FLT1: variants seen among roughly 807,000 people sequenced by gnomAD.
FLT1 encodes fms related receptor tyrosine kinase 1.
A neutral mutation model predicts 156.3 loss-of-function variants in FLT1; 49 were observed. That is an observed-to-expected ratio of 0.31 (90% CI 0.25 to 0.40). FLT1 has a LOEUF of 0.40. Among genes scored for constraint, FLT1 ranks in the 10% least tolerant of loss-of-function variants. The pLI is 1.00. For synonymous variants in FLT1, 594 were observed against 583.8 expected (o/e 1.02, Z -0.25); for missense variants, 1,322 against 1,637.2 (o/e 0.81, Z 3.32).
chr13:28,359,977 GGCGAATGCCTGTAATCCTAACTACTT>G lies in FLT1; in HGVS notation c.2117-2318_2117-2293del, dbSNP rs547434738. 5.1e-4 allele frequency among the ~76,000 whole-genome samples: 78 copies of G among 152,288 alleles called. No individual in the cohort carries two copies. In the East Asian group the frequency reaches 0.015, roughly 29 times the overall value. On this transcript the variant is annotated intron_variant, in intron 14 of 29. Transcript: ENST00000282397. The stretch of plus-strand genomic sequence containing the variant: ...AATACAAAAATTAGCGGGGTGTGGT[GGCGAATGCCTGTAATCCTAACTACTT>G]GGGAGGCTGCAGCAGGAGAATCACT...
intron 13 of FLT1, 99 bp from the exon 14 acceptor site, chr13:28,385,130 T>C: frequency 8.0e-7 from 1 of 1,249,802 alleles, no homozygotes; most frequent in Admixed American, 1.7e-5. Context: ...ACAGCAAAAC[T>C]CAACTATTAG....
intron 1 of FLT1, among the ~76,000 whole-genome samples, chr13:28,490,646 T>C (rs536599183): frequency 5.3e-5 from 8 of 152,280 alleles, no homozygotes; most frequent in Admixed American, 5.2e-4. Context: ...TACAAGCCTC[T>C]CCTATAAACG....
chr13:28,346,798 AAAT>A (rs1323973004), intron 15 of FLT1, among the ~76,000 whole-genome samples: 6 of 152,226 alleles, frequency 3.9e-5, no homozygotes, highest in African/African-American at 1.4e-4. Flanking sequence ...TTCTTTTTAG[AAAT>A]AATGATGTGG....
intron 14 of FLT1, among the ~76,000 whole-genome samples, chr13:28,376,121 G>A (rs1329520245): frequency 6.6e-6 from 1 of 152,116 alleles, no homozygotes; most frequent in East Asian, 1.9e-4. Flanking sequence ...TAATTCAGAG[G>A]TGATTCTGTC....
chr13:28,469,856 C>T (rs1022823416), intron 1 of FLT1, among the ~76,000 whole-genome samples: 4 of 152,084 alleles, frequency 2.6e-5, no homozygotes, highest in Non-Finnish European at 4.4e-5. Context: ...CAGGTTCAAG[C>T]GATTCTCGTG....
intron 14 of FLT1, among the ~76,000 whole-genome samples, chr13:28,372,044 GTGTGTATATATATATA>G (rs1399468623): frequency 4.5e-4 from 6 of 13,430 alleles, no homozygotes; most frequent in Admixed American, 1.1e-3. Flanking sequence ...GTGTGTGTGT[GTGTGTATATATATATA>G]TATATATATA....
At chr13:28,351,428 C>T (rs925858716) in intron 15 of FLT1, among the ~76,000 whole-genome samples, 3 of 152,160 alleles carry the variant, frequency 2.0e-5, no homozygotes, top group Non-Finnish European at 2.9e-5. Context: ...TCAAGATCCC[C>T]GAGCAACATA....
chr13:28,380,918 A>T (rs1268432517), intron 14 of FLT1, among the ~76,000 whole-genome samples: 3 of 152,072 alleles, frequency 2.0e-5, no homozygotes, highest in Non-Finnish European at 4.4e-5. Context: ...CCAATTTTAT[A>T]AATAGGGGAA....
At chr13:28,437,643 A>G (rs1566027277) in intron 4 of FLT1, among the ~76,000 whole-genome samples, 1 of 152,178 alleles carries the variant, frequency 6.6e-6, no homozygotes, top group African/African-American at 2.4e-5. Flanking sequence ...TTACCTTTCC[A>G]TATGTACAAT....
chr13:28,483,562 G>A (rs925023662), intron 1 of FLT1, among the ~76,000 whole-genome samples: 2 of 152,152 alleles, frequency 1.3e-5, no homozygotes, highest in Non-Finnish European at 2.9e-5. Flanking sequence ...TATTCTGGTT[G>A]AAAAAGTGTC....
At chr13:28,480,743 A>T (rs1880787645) in intron 1 of FLT1, among the ~76,000 whole-genome samples, 1 of 152,138 alleles carries the variant, frequency 6.6e-6, no homozygotes, top group Admixed American at 6.5e-5. Flanking sequence ...AAGCTCTATC[A>T]TCTTCTTTCA....
chr13:28,452,081 CTG>C (rs1034879931), intron 3 of FLT1, among the ~76,000 whole-genome samples: 1 of 152,202 alleles, frequency 6.6e-6, no homozygotes, highest in East Asian at 1.9e-4. Context: ...GCTAAAAGTG[CTG>C]TGTCTGCCAA....
At chr13:28,393,895 CTG>C (rs1874885421) in intron 12 of FLT1, among the ~76,000 whole-genome samples, 1 of 152,186 alleles carries the variant, frequency 6.6e-6, no homozygotes, top group East Asian at 1.9e-4. Context: ...CCCCAAGTAA[CTG>C]TATTTTAAAG....
At chr13:28,385,439 A>C (rs937706852) in intron 13 of FLT1, 21 of 767,148 alleles carry the variant, frequency 2.7e-5, no homozygotes, top group Non-Finnish European at 3.4e-5. Flanking sequence ...CTGTAGTGAT[A>C]GGCTAATATA....
intron 13 of FLT1, chr13:28,389,517 G>A: frequency 1.1e-5 from 16 of 1,415,620 alleles, no homozygotes; most frequent in South Asian, 5.0e-5. Context: ...GCACCAAGTC[G>A]GCCCCCCGGA....
intron 17 of FLT1, among the ~76,000 whole-genome samples, chr13:28,337,007 C>A (rs1446588647): frequency 6.6e-6 from 1 of 152,082 alleles, no homozygotes; most frequent in Non-Finnish European, 1.5e-5. Flanking sequence ...CTCAGCCTCC[C>A]AAAGCACTGA....
chr13:28,492,083 A>G (rs1250816089), intron 1 of FLT1, among the ~76,000 whole-genome samples: 1 of 152,240 alleles, frequency 6.6e-6, no homozygotes, highest in Admixed American at 6.5e-5. Flanking sequence ...AGACCAAAAA[A>G]AAGTGCAGCT....
intron 14 of FLT1, among the ~76,000 whole-genome samples, chr13:28,370,322 G>C (rs974038451): frequency 6.6e-6 from 1 of 152,146 alleles, no homozygotes; most frequent in Non-Finnish European, 1.5e-5. Flanking sequence ...GAGTTATGAT[G>C]GGGGGAGAGG....
chr13:28,303,312 CTG>C lies in FLT1; in HGVS notation c.3870_3871del (p.Ser1291PhefsTer22). On this transcript the variant is annotated frameshift_variant, in exon 30 of 30. Coordinates refer to ENST00000282397, the MANE Select transcript of FLT1 (RefSeq NM_002019.4). LOFTEE classifies it high-confidence loss of function. ...GTGCCCACAGCTGGAATGGCAGAAA[CTG>C]GGCCTGCTGACATCAGACAGCCCCG... The C allele has an allele frequency of 6.2e-7, 1 of 1,614,174 alleles. No individual in the cohort carries two copies. Among genetic ancestry groups the C allele is most frequent in the Non-Finnish European group, 8.5e-7 (1 of 1,180,044 alleles).
Sources: allele counts gnomAD v4.1 joint callset (sites outside exome capture counted in the v4.1 genomes callset), GRCh38; gene constraint gnomAD v4.1.1; transcripts MANE v1.5; gene names NCBI Gene and HGNC (gene_info 2026-07-23, HGNC 2026-07-21).